SLAIN1: variants seen among roughly 807,000 people sequenced by gnomAD.
SLAIN1 encodes the protein SLAIN motif-containing protein 1.
Under a neutral mutation model 55.4 loss-of-function variants are expected in SLAIN1, and 17 were observed. The ratio of observed to expected loss-of-function variants is 0.31; its 90% CI spans 0.21 to 0.46. SLAIN1 has a LOEUF of 0.46. Among genes scored for constraint, SLAIN1 ranks in the 20% least tolerant of loss-of-function variants. SLAIN1 has a pLI of 1.00. For missense variants in SLAIN1, 682 were observed against 785.1 expected (o/e 0.87, Z 1.57); for synonymous variants, 348 against 337.4 (o/e 1.03, Z -0.35).
intron 3 of SLAIN1, among the ~76,000 whole-genome samples, chr13:77,744,711 T>C (rs1873699133): frequency 1.3e-5 from 2 of 152,098 alleles, no homozygotes; most frequent in Non-Finnish European, 2.9e-5. Context: ...GCAACTTCCA[T>C]GTGGCCCAGC....
chr13:77,716,935 G>A (rs1352874190), intron 1 of SLAIN1, among the ~76,000 whole-genome samples: 1 of 152,086 alleles, frequency 6.6e-6, no homozygotes, highest in Non-Finnish European at 1.5e-5. Context: ...CAATGTCTGT[G>A]TCTGTTTGAT....
At chr13:77,718,883 AT>A (rs2091233790) in intron 1 of SLAIN1, among the ~76,000 whole-genome samples, 1 of 152,136 alleles carries the variant, frequency 6.6e-6, no homozygotes, top group African/African-American at 2.4e-5. Context: ...CCGGGTAGTC[AT>A]TTTGAATACT....
intron 2 of SLAIN1, among the ~76,000 whole-genome samples, chr13:77,733,258 A>G (rs1436176914): frequency 2.0e-5 from 3 of 152,184 alleles, no homozygotes; most frequent in South Asian, 2.1e-4. Context: ...TGAACTGAAT[A>G]TATTTTAAAG....
chr13:77,703,670 G>T (rs1026907846), intron 1 of SLAIN1, among the ~76,000 whole-genome samples: 8 of 151,882 alleles, frequency 5.3e-5, no homozygotes, highest in African/African-American at 1.9e-4. Flanking sequence ...TTAAGAGCCT[G>T]TTGGAACTAA....
chr13:77,740,126 G>A lies in SLAIN1; in HGVS notation c.767-4157G>A, dbSNP rs561609911. On this transcript the variant is annotated intron_variant, in intron 2 of 6. Transcript: ENST00000418532. ...GCATGAGATAAATGACAGTCTGTAA[G>A]GGTGGTAGTGAAATGAGCTGAAGTA... Among the ~76,000 whole-genome samples, 12 of 152,170 alleles carry A rather than the reference G, an allele frequency of 7.9e-5. No homozygotes were observed. In the South Asian group the frequency reaches 2.3e-3, roughly 29 times the overall value.
chr13:77,708,344 G>A (rs1347675969), intron 1 of SLAIN1, among the ~76,000 whole-genome samples: 2 of 152,242 alleles, frequency 1.3e-5, no homozygotes, highest in African/African-American at 4.8e-5. Flanking sequence ...CCTAGCAGCA[G>A]AAGAGATCAG....
intron 2 of SLAIN1, among the ~76,000 whole-genome samples, chr13:77,723,946 A>C (rs1406108887): frequency 3.3e-5 from 5 of 149,590 alleles, no homozygotes; most frequent in Non-Finnish European, 7.4e-5. Flanking sequence ...AAAAAAAAAA[A>C]ACACATCTTC....
Position 77,698,427 on chromosome 13 carries a change from C to T in SLAIN1, c.514C>T (p.Pro172Ser). 1 of 1,406,446 alleles carries T rather than the reference C, an allele frequency of 7.1e-7. No individual in the cohort carries two copies. The allele number at this position is 1,406,446 out of a possible 1,614,324, so 87.1% of individuals were successfully genotyped here. A position where few individuals can be genotyped will look rare whatever the true frequency, so the allele number is the denominator to read the frequency against. The stretch of plus-strand genomic sequence containing the variant: ...GCCGGAGCCGGGGGGCGCGGGGACG[C>T]CGCCAGGGGCAGCTGCAGCGCCGCC... ...GGPEPGGAGT[P>S]PGAAAAPPSP... The change falls in exon 1 of 7, where the codon CCG (proline) becomes TCG (serine). Residue 172 changes from proline (P) to serine (S), a missense_variant. Physicochemically the swap from Pro to Ser is moderately conservative, Grantham distance 74. Transcript: ENST00000418532. The surrounding 1 kb of genome is among the most constrained non-coding windows in gnomAD (Gnocchi z 4.1).
At chr13:77,747,874 G>A (rs1442249717) in intron 4 of SLAIN1, among the ~76,000 whole-genome samples, 1 of 152,066 alleles carries the variant, frequency 6.6e-6, no homozygotes, top group Non-Finnish European at 1.5e-5. Flanking sequence ...TGACTTCTAA[G>A]AACTATGGGA....
At chr13:77,755,800 C>T (rs1874560297) in intron 5 of SLAIN1, among the ~76,000 whole-genome samples, 1 of 152,020 alleles carries the variant, frequency 6.6e-6, no homozygotes, top group Admixed American at 6.6e-5. Flanking sequence ...GAGAAAGCCC[C>T]CAAGAAGAAT....
chr13:77,710,162 C>T (rs1174399647), intron 1 of SLAIN1, among the ~76,000 whole-genome samples: 1 of 152,052 alleles, frequency 6.6e-6, no homozygotes, highest in Non-Finnish European at 1.5e-5. Flanking sequence ...ATGAAGAAAC[C>T]ACATCAACTA....
intron 1 of SLAIN1, among the ~76,000 whole-genome samples, chr13:77,702,022 G>A (rs1025903460): frequency 7.5e-5 from 11 of 146,138 alleles, no homozygotes; most frequent in Admixed American, 3.5e-4. Context: ...GCGGTGTTTG[G>A]TTTTTTGTTC....
rs1386873781 is a variant in SLAIN1, at chr13:77,764,145, C to T, written c.*925C>T. 6.6e-6 allele frequency: 1 copy of T among 152,508 alleles called. No homozygotes were observed. The highest frequency in any genetic ancestry group is 1.5e-5 in the Non-Finnish European group (1 of 67,992). The allele number at this position is 152,508 out of a possible 1,614,324, so 9.4% of individuals were successfully genotyped here. Reference sequence around the variant, plus strand: ...CAAAATCCATTTGCACTAATGAATGCTTTCTTATGGCATATAACTTAATAT... The same window carrying T: ...CAAAATCCATTTGCACTAATGAATGTTTTCTTATGGCATATAACTTAATAT... On this transcript the variant is annotated 3_prime_UTR_variant, in exon 7 of 7. Coordinates refer to ENST00000418532, the MANE Select transcript of SLAIN1 (RefSeq NM_001242868.2).
intron 2 of SLAIN1, among the ~76,000 whole-genome samples, chr13:77,740,063 G>T (rs757366776): frequency 9.2e-5 from 14 of 152,086 alleles, no homozygotes; most frequent in South Asian, 2.1e-4. Flanking sequence ...CAATAAGGGT[G>T]CATCCTTAGG....
In SLAIN1 at chr13:77,730,295, A is replaced by G. The variant is rs189578917; in HGVS notation, c.766+10624A>G. On this transcript the variant is annotated intron_variant, in intron 2 of 6. Coordinates refer to ENST00000418532, the MANE Select transcript of SLAIN1 (RefSeq NM_001242868.2). Reference sequence around the variant, plus strand: ...AGCTAAGCTACAGGATATTACCTGAATTGTCTTAGAAGGCAGAGCCTTTTT... The same window carrying G: ...AGCTAAGCTACAGGATATTACCTGAGTTGTCTTAGAAGGCAGAGCCTTTTT... Among the ~76,000 whole-genome samples the G allele has an allele frequency of 7.9e-5, 12 of 152,312 alleles. No homozygotes were observed. In the East Asian group the frequency reaches 2.1e-3, roughly 27 times the overall value.
Position 77,698,864 on chromosome 13 carries a change from A to T in SLAIN1, c.626+325A>T. On this transcript the variant is annotated intron_variant, in intron 1 of 6. Coordinates refer to ENST00000418532, the MANE Select transcript of SLAIN1 (RefSeq NM_001242868.2). The surrounding 1 kb of genome is among the most constrained non-coding windows in gnomAD (Gnocchi z 4.1). ...TAGCATTAAGTGCAAAATCCATGTC[A>T]TCTTGTCTTTTTGCTCAGTGCTGCT... The T allele has an allele frequency of 6.6e-7, 1 of 1,512,146 alleles. No homozygotes were observed. The highest frequency in any genetic ancestry group is 8.8e-7 in the Non-Finnish European group (1 of 1,131,010). 93.7% of individuals were successfully genotyped at this position (1,512,146 alleles called of 1,614,324 possible).
At chr13:77,754,532 A>AT (rs1249529085) in intron 5 of SLAIN1, among the ~76,000 whole-genome samples, 5 of 152,174 alleles carry the variant, frequency 3.3e-5, no homozygotes, top group Admixed American at 2.6e-4. Context: ...TTTAACTGCT[A>AT]TCATATTCTA....
rs1325840004 is a variant in SLAIN1, at chr13:77,702,964, AAGC to A, written c.626+4428_626+4430del. 2.0e-5 allele frequency among the ~76,000 whole-genome samples: 3 copies of A among 152,286 alleles called. No individual in the cohort carries two copies. In the East Asian group the frequency reaches 5.8e-4, roughly 29 times the overall value. ...ATACTGTTTGAAAGCAAAACGGAGA[AAGC>A]AGGTGGAAAAGCACTGAAGATAGTA... is the stretch of plus-strand genomic sequence containing the variant. On this transcript the variant is annotated intron_variant, in intron 1 of 6. Coordinates refer to ENST00000418532, the MANE Select transcript of SLAIN1 (RefSeq NM_001242868.2).
chr13:77,699,643 T>C (rs954510330), intron 1 of SLAIN1, among the ~76,000 whole-genome samples: 1 of 152,218 alleles, frequency 6.6e-6, no homozygotes, highest in Non-Finnish European at 1.5e-5. Flanking sequence ...CACTCTGTCA[T>C]GTGAGAGCTC....
Sources: gnomAD v4.1 joint callset for allele counts (sites outside exome capture counted in the v4.1 genomes callset) on GRCh38, gnomAD v4.1.1 for gene constraint, Gnocchi (gnomAD v3.1) non-coding constraint, MANE v1.5 for transcripts, NCBI Gene and HGNC (gene_info 2026-07-23, HGNC 2026-07-21) for gene names.